SNX8: variants seen among roughly 807,000 people sequenced by gnomAD.
SNX8 encodes sorting nexin 8.
Under a neutral mutation model 51.6 loss-of-function variants are expected in SNX8, and 25 were observed. That is an observed-to-expected ratio of 0.48 (90% CI 0.35 to 0.68). The LOEUF (loss-of-function observed/expected upper bound fraction) is 0.68, where lower values mean the gene tolerates loss of function less well. Among genes scored for constraint, SNX8 ranks in the 30% least tolerant of loss-of-function variants. The pLI is 0.00. For missense variants in SNX8, 695 were observed against 624.0 expected (o/e 1.11, Z -1.21); for synonymous variants, 324 against 277.0 (o/e 1.17, Z -1.68).
chr7:2,264,587 C>T (rs960649488), intron 5 of SNX8, 129 bp from the exon 6 acceptor site: 17 of 768,340 alleles, frequency 2.2e-5, no homozygotes, highest in Non-Finnish European at 2.7e-5. Flanking sequence ...CCGGGAGCCC[C>T]ACTCCTCCAG....
intron 1 of SNX8, among the ~76,000 whole-genome samples, chr7:2,345,544 G>A (rs1779005494): frequency 1.3e-5 from 2 of 151,846 alleles, no homozygotes; most frequent in Admixed American, 1.3e-4. Context: ...CGGGCCTGCT[G>A]GCAGGCACCT....
intron 1 of SNX8, among the ~76,000 whole-genome samples, chr7:2,306,525 T>A (rs1584726465): frequency 1.3e-5 from 2 of 152,316 alleles, no homozygotes; most frequent in African/African-American, 4.8e-5. Context: ...ATTAGCACTT[T>A]CGAAGCACAA....
intron 1 of SNX8, among the ~76,000 whole-genome samples, chr7:2,282,650 G>T (rs571823258): frequency 1.3e-5 from 2 of 152,252 alleles, no homozygotes; most frequent in East Asian, 3.9e-4. Flanking sequence ...TGACATCTCG[G>T]GCCTCCCACC....
chr7:2,256,846 G>C, intron 10 of SNX8, 28 bp downstream of exon 10: 2 of 1,596,260 alleles, frequency 1.3e-6, no homozygotes, highest in Non-Finnish European at 1.7e-6. Context: ...CCGTGGCCGA[G>C]ACGGCGGCCG....
intron 1 of SNX8, among the ~76,000 whole-genome samples, chr7:2,296,344 G>A (rs905629559): frequency 2.8e-4 from 42 of 152,076 alleles, no homozygotes; most frequent in African/African-American, 9.4e-4. Flanking sequence ...TGTAGCTATT[G>A]TAAATGGGAA....
intron 2 of SNX8, 33 bp from the exon 3 acceptor site, chr7:2,275,262 G>A (rs367910014): frequency 1.6e-5 from 23 of 1,446,594 alleles, no homozygotes; most frequent in African/African-American, 4.2e-5. Context: ...TAGATCCGAC[G>A]TTGGAAACTA....
intron 7 of SNX8, among the ~76,000 whole-genome samples, chr7:2,260,867 A>G (rs1356806577): frequency 2.0e-5 from 3 of 152,334 alleles, no homozygotes; most frequent in East Asian, 3.9e-4. Flanking sequence ...ACCTCAAGCC[A>G]TAAACTCCTA....
chr7:2,278,294 G>A lies in SNX8; in HGVS notation c.106C>T (p.Pro36Ser). The A allele has an allele frequency of 6.4e-7, 1 of 1,572,546 alleles. No homozygotes were observed. Residue 36 changes from proline to serine, a missense_variant, in exon 2 of 11, where the codon CCC becomes TCC. Physicochemically the swap from Pro to Ser is moderately conservative, Grantham distance 74. Coordinates refer to ENST00000222990, the MANE Select transcript of SNX8 (RefSeq NM_013321.4). ...ADPPASDLPTPQAIEPQAIVQ... is the reference protein window; with the variant it reads ...ADPPASDLPTSQAIEPQAIVQ... ...ATGGCCTGGGGCTCGATGGCCTGGG[G>A]TGTCGGCAGATCTGCAGGGGAGATG...
At chr7:2,329,297 A>T (rs535330566) in intron 1 of SNX8, among the ~76,000 whole-genome samples, 2 of 151,406 alleles carry the variant, frequency 1.3e-5, no homozygotes, top group South Asian at 4.1e-4. Flanking sequence ...AAATAAAAAT[A>T]AAAAATAAAT....
At chr7:2,283,120 CAA>C (rs1238097699) in intron 1 of SNX8, among the ~76,000 whole-genome samples, 4 of 133,510 alleles carry the variant, frequency 3.0e-5, no homozygotes, top group Admixed American at 7.6e-5. Flanking sequence ...GACTCCGTCT[CAA>C]AAAAAAAAAA....
At chr7:2,336,398 A>T (rs1216479765) in intron 1 of SNX8, among the ~76,000 whole-genome samples, 6 of 150,812 alleles carry the variant, frequency 4.0e-5, no homozygotes, top group African/African-American at 1.5e-4. Context: ...CTGTCTCAAA[A>T]ATAACAATAA....
In SNX8 at chr7:2,281,585, C is replaced by T. The variant is rs1012845995; in HGVS notation, c.95-3280G>A. On this transcript the variant is annotated intron_variant, in intron 1 of 10. Coordinates refer to ENST00000222990, the MANE Select transcript of SNX8 (RefSeq NM_013321.4). The stretch of plus-strand genomic sequence containing the variant: ...GAACTTCAATACTCTATCAAACTGA[C>T]ACCCCTTGAAGCAGTGCACACAGCC... Among the ~76,000 whole-genome samples, 5 of 152,244 alleles carry T rather than the reference C, an allele frequency of 3.3e-5. No homozygotes were observed. The East Asian group carries it at 9.6e-4, about 29-fold the overall frequency.
At chr7:2,279,811 G>A (rs1056588640) in intron 1 of SNX8, among the ~76,000 whole-genome samples, 40 of 149,914 alleles carry the variant, frequency 2.7e-4, no homozygotes, top group African/African-American at 6.9e-4. Flanking sequence ...ACCTGCTCAC[G>A]AATCAGCAAG....
chr7:2,306,027 C>G (rs961246574), intron 1 of SNX8, among the ~76,000 whole-genome samples: 1 of 152,176 alleles, frequency 6.6e-6, no homozygotes. Flanking sequence ...CTAATTGGTA[C>G]GGCATCTTCC....
intron 1 of SNX8, among the ~76,000 whole-genome samples, chr7:2,340,879 A>C (rs1778910788): frequency 6.7e-6 from 1 of 150,070 alleles, no homozygotes; most frequent in Non-Finnish European, 1.5e-5. Flanking sequence ...AAAAAAAAAA[A>C]AAAAACTCTA....
chr7:2,323,185 C>G (rs1379731155), intron 1 of SNX8, among the ~76,000 whole-genome samples: 1 of 151,870 alleles, frequency 6.6e-6, no homozygotes, highest in Non-Finnish European at 1.5e-5. Context: ...CAAAAATTAG[C>G]TGGACATGAT....
chr7:2,305,644 G>A (rs796766105), intron 1 of SNX8, among the ~76,000 whole-genome samples: 11 of 152,098 alleles, frequency 7.2e-5, no homozygotes, highest in Middle Eastern at 3.4e-3. Context: ...GATTACAGGC[G>A]TGAGCCACCA....
At chr7:2,263,919 T>A (rs1242435683) in intron 6 of SNX8, among the ~76,000 whole-genome samples, 1 of 152,124 alleles carries the variant, frequency 6.6e-6, no homozygotes, top group Non-Finnish European at 1.5e-5. Context: ...TTTCACCATC[T>A]TGGCCAGGCT....
intron 1 of SNX8, among the ~76,000 whole-genome samples, chr7:2,328,668 C>T (rs1284351006): frequency 6.6e-6 from 1 of 151,464 alleles, no homozygotes; most frequent in African/African-American, 2.4e-5. Flanking sequence ...CAAAAAATTG[C>T]ACGCTGGGCA....
Sources: gnomAD v4.1 joint callset for allele counts (sites outside exome capture counted in the v4.1 genomes callset) on GRCh38, gnomAD v4.1.1 for gene constraint, MANE v1.5 for transcripts, NCBI Gene and HGNC (gene_info 2026-07-23, HGNC 2026-07-21) for gene names.